Variants in ACTR3C observed in about 807,000 individuals in gnomAD.
ACTR3C encodes actin related protein 3C, also known as actin-related protein 3C.
Under a neutral mutation model 26.3 loss-of-function variants are expected in ACTR3C, and 18 were observed. The observed-to-expected ratio is 0.68, with a 90% confidence interval of 0.47 to 1.01. The LOEUF (loss-of-function observed/expected upper bound fraction) is 1.01, where lower values mean the gene tolerates loss of function less well. Ranked by LOEUF, ACTR3C falls within the 50% of genes least tolerant of loss-of-function variation. The probability of loss-of-function intolerance (pLI) is 0.00; values close to 1 mark genes in which losing one functional copy is unlikely to be tolerated. For missense variants in ACTR3C, 184 were observed against 250.7 expected, an observed-to-expected ratio of 0.73 and a Z score of 1.80; for synonymous variants, 55 against 94.5, an observed-to-expected ratio of 0.58 and a Z score of 2.42.
At chr7:150,085,829 A>T in the ACTR3C span, among the ~76,000 whole-genome samples, 23 of 152,266 alleles carry the variant, frequency 1.5e-4, no homozygotes, top group African/African-American at 5.3e-4. Flanking sequence ...TAGAACCAGG[A>T]TTGCTGCCTC....
chr7:150,180,543 C>T, the ACTR3C span, among the ~76,000 whole-genome samples: 165 of 135,638 alleles, frequency 1.2e-3, 2 homozygotes, highest in African/African-American at 4.7e-3. Flanking sequence ...GAGGGAGTCT[C>T]GCTCTGTCGC....
the ACTR3C span, among the ~76,000 whole-genome samples, chr7:150,072,751 C>T: frequency 6.6e-6 from 1 of 152,084 alleles, no homozygotes; most frequent in Non-Finnish European, 1.5e-5. Flanking sequence ...CCAGGATGAA[C>T]TATGGAAAAA....
At chr7:150,249,246 C>A (rs1832662731) in intron 6 of ACTR3C, among the ~76,000 whole-genome samples, 192 bp from the exon 7 acceptor site, 1 of 152,024 alleles carries the variant, frequency 6.6e-6, no homozygotes, top group Non-Finnish European at 1.5e-5. Context: ...ACCATGGAGA[C>A]CAGAAATGAA....
the ACTR3C span, among the ~76,000 whole-genome samples, chr7:149,935,933 G>C: frequency 6.6e-6 from 1 of 152,124 alleles, no homozygotes; most frequent in Non-Finnish European, 1.5e-5. Flanking sequence ...TAAAGGAACT[G>C]GAATTTTTAA....
the ACTR3C span, among the ~76,000 whole-genome samples, chr7:150,135,636 A>G: frequency 6.6e-6 from 1 of 152,162 alleles, no homozygotes; most frequent in Non-Finnish European, 1.5e-5. Context: ...TATGAGATAC[A>G]CTGGATAAGA....
At chr7:150,002,768 G>A in the ACTR3C span, 2 of 152,102 alleles carry the variant, frequency 1.3e-5, no homozygotes, top group African/African-American at 4.8e-5. Flanking sequence ...TTACCCCAGA[G>A]CCTCCCTTTT....
intron 1 of ACTR3C, among the ~76,000 whole-genome samples, chr7:150,322,153 T>G (rs1797586815): frequency 6.6e-6 from 1 of 152,192 alleles, no homozygotes; most frequent in African/African-American, 2.4e-5. Flanking sequence ...GCCCAGATGT[T>G]CTCTGGGTTA....
chr7:150,236,370 A>G, the ACTR3C span, among the ~76,000 whole-genome samples: 1 of 152,106 alleles, frequency 6.6e-6, no homozygotes, highest in African/African-American at 2.4e-5. Flanking sequence ...TCTGCCCAAC[A>G]CTCATACCAA....
chr7:149,946,332 G>C, the ACTR3C span, among the ~76,000 whole-genome samples: 1 of 152,220 alleles, frequency 6.6e-6, no homozygotes, highest in Non-Finnish European at 1.5e-5. Flanking sequence ...GCAAATATGA[G>C]CTCAGACTGA....
chr7:150,125,828 A>G, the ACTR3C span, among the ~76,000 whole-genome samples: 1 of 152,210 alleles, frequency 6.6e-6, no homozygotes, highest in African/African-American at 2.4e-5. Context: ...CCTTAGCCAA[A>G]TGTGAGCCCT....
At chr7:149,907,483 TCTCTC>T in the ACTR3C span, among the ~76,000 whole-genome samples, 15 of 43,924 alleles carry the variant, frequency 3.4e-4, no homozygotes, top group African/African-American at 6.8e-4. Context: ...TTCTCTTCTC[TCTCTC>T]TCTCTCTCTC....
At chr7:150,311,351 G>A (rs574763956) in intron 1 of ACTR3C, among the ~76,000 whole-genome samples, 12 of 152,264 alleles carry the variant, frequency 7.9e-5, no homozygotes, top group South Asian at 2.1e-4. Flanking sequence ...TTCTAGGCTG[G>A]CCCTCATGTC....
chr7:149,973,673 C>T, the ACTR3C span, among the ~76,000 whole-genome samples: 5 of 152,014 alleles, frequency 3.3e-5, no homozygotes, highest in African/African-American at 1.2e-4. Flanking sequence ...GAAGGCAATT[C>T]GGTCTGCGGG....
the ACTR3C span, among the ~76,000 whole-genome samples, chr7:149,960,509 TA>T: frequency 1.3e-5 from 2 of 152,154 alleles, no homozygotes; most frequent in African/African-American, 2.4e-5. Context: ...AGCCCAACTG[TA>T]ATACATCCTT....
chr7:150,042,975 G>A, the ACTR3C span, among the ~76,000 whole-genome samples: 6 of 151,184 alleles, frequency 4.0e-5, no homozygotes, highest in African/African-American at 1.5e-4. Flanking sequence ...CAAAGTTTCC[G>A]GGTCCCCGCC....
the ACTR3C span, among the ~76,000 whole-genome samples, chr7:149,902,541 A>G: frequency 9.2e-6 from 1 of 108,368 alleles, no homozygotes; most frequent in Admixed American, 1.1e-4. Flanking sequence ...GGATCACTTG[A>G]GGCCAGGAGT....
chr7:150,168,897 A>G, the ACTR3C span, among the ~76,000 whole-genome samples: 2 of 150,770 alleles, frequency 1.3e-5, no homozygotes, highest in Non-Finnish European at 2.9e-5. Flanking sequence ...AAAGCCAAAG[A>G]ACCAACATCT....
At chr7:150,294,088 C>T (rs2531045) in intron 2 of ACTR3C, among the ~76,000 whole-genome samples, 4 of 151,976 alleles carry the variant, frequency 2.6e-5, no homozygotes, top group Non-Finnish European at 4.4e-5. Flanking sequence ...TCACTTGTGG[C>T]GTTGTTTAAA....
At chr7:150,039,170 C>T in the ACTR3C span, among the ~76,000 whole-genome samples, 3 of 148,274 alleles carry the variant, frequency 2.0e-5, no homozygotes, top group Non-Finnish European at 3.0e-5. Context: ...GAGGGTCTGG[C>T]TCTCAGTCCC....
Sources: gnomAD v4.1 joint callset for allele counts (sites outside exome capture counted in the v4.1 genomes callset) on GRCh38, gnomAD v4.1.1 for gene constraint, MANE v1.5 for transcripts, NCBI Gene and HGNC (gene_info 2026-07-23, HGNC 2026-07-21) for gene names.